Variants in VGLL1 observed in about 807,000 individuals in gnomAD.
VGLL1 encodes the protein vestigial like family member 1.
Under a neutral mutation model 12.0 loss-of-function variants are expected in VGLL1, and 4 were observed. The observed-to-expected ratio is 0.33, with a 90% CI of 0.16 to 0.76. The LOEUF (loss-of-function observed/expected upper bound fraction) is 0.76. VGLL1 is among the 30% of genes least tolerant of loss of function. The pLI, the probability that VGLL1 is intolerant of heterozygous loss-of-function variation, is 0.60. For synonymous variants in VGLL1, 87 were observed against 81.2 expected, an observed-to-expected ratio of 1.07 and a Z score of -0.39; for missense variants, 204 against 208.7, an observed-to-expected ratio of 0.98 and a Z score of 0.14.
Position 136,536,167 on chromosome X carries a change from G to A in VGLL1, c.147G>A (p.Leu49=). Residue 49 remains leucine (L), a synonymous_variant, in exon 2 of 5, where the codon CTG becomes CTA. Transcript: ENST00000370634. ...SVVDEHFSRA[L]SNIKSPQELT... ...TGGATGAACACTTCTCCAGAGCTCT[G>A]AGCAATATCAAGAGCCCCCAGGAAT... The A allele has an allele frequency of 8.3e-7, 1 of 1,211,407 alleles. No individual in the cohort carries two copies. The highest frequency in any genetic ancestry group is 1.1e-6 in the Non-Finnish European group (1 of 895,427).
intron 2 of VGLL1, among the ~76,000 whole-genome samples, chrX:136,544,319 A>G (rs1471942987): frequency 8.9e-6 from 1 of 112,526 alleles, no homozygotes; most frequent in Non-Finnish European, 1.9e-5. Flanking sequence ...CTATATCCTT[A>G]AAATAAATTG....
chrX:136,535,203 CAGTT>C (rs1400763753), intron 1 of VGLL1, among the ~76,000 whole-genome samples: 23 of 111,769 alleles, frequency 2.1e-4, no homozygotes, highest in Non-Finnish European at 3.8e-4. Flanking sequence ...AAGTTTAGGG[CAGTT>C]CAATACACAG....
At chrX:136,551,022 A>T (rs1382262798) in intron 4 of VGLL1, 1 of 353,528 alleles carries the variant, frequency 2.8e-6, no homozygotes, top group Non-Finnish European at 4.9e-6. Context: ...GAGTATATGC[A>T]CTTCCTATCT....
intron 2 of VGLL1, among the ~76,000 whole-genome samples, chrX:136,541,436 C>A (rs1408698022): frequency 8.9e-6 from 1 of 112,339 alleles, no homozygotes; most frequent in African/African-American, 3.2e-5. Flanking sequence ...GGAAAAACTG[C>A]CTCCCTCAAA....
intron 4 of VGLL1, among the ~76,000 whole-genome samples, chrX:136,552,228 T>C (rs1457432127): frequency 1.8e-5 from 2 of 112,350 alleles, no homozygotes; most frequent in Admixed American, 9.4e-5. Context: ...AATTATTCTG[T>C]TTGATGCCTT....
At chrX:136,553,398 C>T (rs2075892476) in intron 4 of VGLL1, among the ~76,000 whole-genome samples, 1 of 105,687 alleles carries the variant, frequency 9.5e-6, no homozygotes, top group Non-Finnish European at 2.0e-5. Flanking sequence ...GCAACCTCCG[C>T]CTCCTGGGTT....
chrX:136,555,619 T>C (rs2075898957), intron 4 of VGLL1, among the ~76,000 whole-genome samples: 1 of 111,726 alleles, frequency 9.0e-6, no homozygotes, highest in African/African-American at 3.3e-5. Flanking sequence ...ATTGAAAGTA[T>C]AGAAAAGAAA....
chrX:136,556,310 G>A (rs1174684016), intron 4 of VGLL1, 141 bp from the exon 5 acceptor site: 1 of 422,006 alleles, frequency 2.4e-6, no homozygotes, highest in East Asian at 3.7e-5. Flanking sequence ...GCAGTTTCAT[G>A]AGTTTCTGTC....
intron 2 of VGLL1, among the ~76,000 whole-genome samples, chrX:136,539,358 A>G (rs749299622): frequency 8.4e-4 from 94 of 111,337 alleles, no homozygotes; most frequent in African/African-American, 2.9e-3. Context: ...TCTAAACTCC[A>G]TTCCACTCAT....
intron 4 of VGLL1, among the ~76,000 whole-genome samples, chrX:136,552,313 G>C (rs969700222): frequency 1.8e-5 from 2 of 111,972 alleles, no homozygotes; most frequent in Non-Finnish European, 1.9e-5. Flanking sequence ...GATTCATTTA[G>C]AGCTGGTTCA....
In VGLL1 at chrX:136,536,619, T is replaced by C. The variant is rs750796896; in HGVS notation, c.214+385T>C. Among the ~76,000 whole-genome samples the C allele has an allele frequency of 4.5e-5, 5 of 111,751 alleles. No homozygotes were observed. The South Asian group carries it at 1.5e-3, about 34-fold the overall frequency. On this transcript the variant is annotated intron_variant, in intron 2 of 4. Transcript: ENST00000370634. Reference sequence around the variant, plus strand: ...CCTGACCACCCACACCCCCAAGCATTCAAATATCCTATTACAGATTCTCCT... The same window carrying C: ...CCTGACCACCCACACCCCCAAGCATCCAAATATCCTATTACAGATTCTCCT...
chrX:136,539,636 C>T (rs1360138587), intron 2 of VGLL1, among the ~76,000 whole-genome samples: 2 of 111,584 alleles, frequency 1.8e-5, no homozygotes, highest in African/African-American at 6.5e-5. Flanking sequence ...AACTTCTAAA[C>T]ATTTCAGGGC....
chrX:136,534,484 T>C (rs1283549538), intron 1 of VGLL1, among the ~76,000 whole-genome samples: 4 of 111,727 alleles, frequency 3.6e-5, no homozygotes, highest in African/African-American at 1.3e-4. Flanking sequence ...TGGTAGTTTG[T>C]TTGTTTGTTC....
At chrX:136,540,911 C>T (rs1439851291) in intron 2 of VGLL1, among the ~76,000 whole-genome samples, 2 of 111,921 alleles carry the variant, frequency 1.8e-5, no homozygotes, top group African/African-American at 3.3e-5. Context: ...TATCACTTCT[C>T]CTCTCTGTGC....
At chrX:136,532,605 C>A (rs2075826588) in intron 1 of VGLL1, among the ~76,000 whole-genome samples, 6 of 84,267 alleles carry the variant, frequency 7.1e-5, no homozygotes, top group African/African-American at 2.7e-4. Flanking sequence ...TTCTTTCTTT[C>A]TTTCTTTCTT....
intron 1 of VGLL1, among the ~76,000 whole-genome samples, chrX:136,532,597 C>CTT (rs1569359155): frequency 5.3e-5 from 4 of 74,838 alleles, no homozygotes; most frequent in African/African-American, 2.1e-4. Flanking sequence ...TTCTTTCTTT[C>CTT]TTTCTTTCTT....
chrX:136,533,787 G>C (rs930880537), intron 1 of VGLL1, among the ~76,000 whole-genome samples: 1 of 111,521 alleles, frequency 9.0e-6, no homozygotes, highest in Admixed American at 9.5e-5. Context: ...AGAGGAGAAG[G>C]GACTATTAGA....
chrX:136,543,045 A>G (rs909655330), intron 2 of VGLL1, among the ~76,000 whole-genome samples: 3 of 111,761 alleles, frequency 2.7e-5, no homozygotes, highest in Admixed American at 9.5e-5. Context: ...TCTCTCAGCT[A>G]ATATGGGGAG....
intron 2 of VGLL1, among the ~76,000 whole-genome samples, chrX:136,536,456 G>T (rs754050118): frequency 9.0e-6 from 1 of 111,408 alleles, no homozygotes; most frequent in Non-Finnish European, 1.9e-5. Flanking sequence ...TCCAGAAACT[G>T]GCTTCCTTCT....
Sources: allele counts gnomAD v4.1 joint callset (sites outside exome capture counted in the v4.1 genomes callset), GRCh38; gene constraint gnomAD v4.1.1; transcripts MANE v1.5; gene names NCBI Gene and HGNC (gene_info 2026-07-23, HGNC 2026-07-21).